EYS: variants seen among roughly 807,000 people sequenced by gnomAD.
EYS encodes EGF-like photoreceptor maintenance factor.
Under a neutral mutation model 282.1 loss-of-function variants are expected in EYS, and 250 were observed. That is an observed-to-expected ratio of 0.89 (90% CI 0.80 to 0.98). The LOEUF (loss-of-function observed/expected upper bound fraction) is 0.98, where lower values mean the gene tolerates loss of function less well. EYS is among the 50% of genes least tolerant of loss of function. EYS has a pLI of 0.00. For synonymous variants in EYS, 1,355 were observed against 1,282.9 expected (o/e 1.06, Z -1.20); for missense variants, 4,016 against 3,709.0 (o/e 1.08, Z -2.15).
rs35986893 is a variant in EYS at position 65,525,055 on chromosome 6, AT to A, written c.-332-29063del. Among the ~76,000 whole-genome samples the A allele has an allele frequency of 5.6e-3, 815 of 146,256 alleles. 8 individuals carry two copies. Among genetic ancestry groups the A allele is most frequent in the African/African-American group, 0.017 (667 of 40,070 alleles). On this transcript the variant is annotated intron_variant, in intron 2 of 42. Transcript: ENST00000503581. Reference sequence around the variant, plus strand: ...CACCATGGCCACTTTTTCTAAACTGATTTTTTTTTTTTTCAATTTTACTTTA... The same window carrying A: ...CACCATGGCCACTTTTTCTAAACTGATTTTTTTTTTTTCAATTTTACTTTA...
At chr6:63,869,919 T>C (rs1322461255) in intron 35 of EYS, among the ~76,000 whole-genome samples, 24 of 151,926 alleles carry the variant, frequency 1.6e-4, no homozygotes, top group Admixed American at 1.5e-3. Flanking sequence ...CCTCCCCCCA[T>C]AAAAAAAATC....
At chr6:65,654,278 T>C (rs1208243367) in intron 1 of EYS, among the ~76,000 whole-genome samples, 1 of 151,854 alleles carries the variant, frequency 6.6e-6, no homozygotes, top group Non-Finnish European at 1.5e-5. Context: ...TTCCTTTGCC[T>C]TTCTGTAATA....
At chr6:64,379,231 A>G (rs1459200792) in intron 29 of EYS, among the ~76,000 whole-genome samples, 1 of 152,146 alleles carries the variant, frequency 6.6e-6, no homozygotes, top group Non-Finnish European at 1.5e-5. Flanking sequence ...CTAGAAAACT[A>G]TCTCCCAAAT....
intron 12 of EYS, among the ~76,000 whole-genome samples, chr6:65,278,057 C>CTT (rs539914386): frequency 6.9e-6 from 1 of 145,024 alleles, no homozygotes; most frequent in Non-Finnish European, 1.5e-5. Flanking sequence ...CTTTTCTTTT[C>CTT]TTTTTTTCTG....
intron 22 of EYS, among the ~76,000 whole-genome samples, chr6:64,663,524 A>G (rs1045527837): frequency 2.6e-5 from 4 of 152,222 alleles, no homozygotes; most frequent in African/African-American, 9.6e-5. Flanking sequence ...CTAGAACTAC[A>G]TTCTTCGGAT....
At chr6:63,901,033 C>T (rs1359065378) in intron 35 of EYS, among the ~76,000 whole-genome samples, 1 of 152,116 alleles carries the variant, frequency 6.6e-6, no homozygotes, top group Non-Finnish European at 1.5e-5. Flanking sequence ...CTATAGAAGT[C>T]GTCAGTAGAA....
At chr6:65,027,268 T>G (rs1366601310) in intron 13 of EYS, among the ~76,000 whole-genome samples, 1 of 152,198 alleles carries the variant, frequency 6.6e-6, no homozygotes, top group East Asian at 1.9e-4. Flanking sequence ...CATCATTTAG[T>G]GATGTCTTAA....
At chr6:63,818,913 G>A (rs1771249881) in intron 36 of EYS, among the ~76,000 whole-genome samples, 1 of 152,202 alleles carries the variant, frequency 6.6e-6, no homozygotes, top group Non-Finnish European at 1.5e-5. Context: ...ATCTATCCAA[G>A]TGAGTTGTCT....
At chr6:65,331,693 T>C in intron 11 of EYS, 2 of 980,056 alleles carry the variant, frequency 2.0e-6, no homozygotes, top group South Asian at 4.7e-5. Flanking sequence ...ATTTTCTTAG[T>C]AAATAAAAAA....
At chr6:64,061,455 G>A (rs1582214768) in intron 33 of EYS, among the ~76,000 whole-genome samples, 1 of 152,150 alleles carries the variant, frequency 6.6e-6, no homozygotes, top group East Asian at 1.9e-4. Context: ...TGTACCTGTA[G>A]AACTGTGATC....
At chr6:64,221,577 A>C (rs1290503801) in intron 31 of EYS, among the ~76,000 whole-genome samples, 1 of 152,082 alleles carries the variant, frequency 6.6e-6, no homozygotes, top group Non-Finnish European at 1.5e-5. Flanking sequence ...AGACAATCTG[A>C]TATTACAGTA....
intron 6 of EYS, 123 bp downstream of exon 6, chr6:65,405,051 T>C: frequency 5.8e-6 from 4 of 690,306 alleles, no homozygotes; most frequent in Non-Finnish European, 9.8e-6. Context: ...ACCGTTCTTG[T>C]TCGTCTGAGT....
At chr6:64,392,868 G>A (rs1312512736) in intron 28 of EYS, among the ~76,000 whole-genome samples, 1 of 151,830 alleles carries the variant, frequency 6.6e-6, no homozygotes, top group Admixed American at 6.6e-5. Flanking sequence ...CAACAAAATT[G>A]ATAGACCGCT....
chr6:63,857,530 C>T (rs773573775), intron 36 of EYS: 23 of 261,826 alleles, frequency 8.8e-5, no homozygotes, highest in African/African-American at 4.0e-4. Flanking sequence ...CTGACATGCA[C>T]GCAATTGCTA....
chr6:65,008,340 G>GA (rs1026851027), intron 13 of EYS, among the ~76,000 whole-genome samples: 12 of 150,634 alleles, frequency 8.0e-5, no homozygotes, highest in East Asian at 1.9e-4. Flanking sequence ...GCAGACATTA[G>GA]AAAAAAAAAC....
intron 36 of EYS, among the ~76,000 whole-genome samples, chr6:63,833,409 C>A (rs1365194158): frequency 6.6e-6 from 1 of 152,144 alleles, no homozygotes; most frequent in Non-Finnish European, 1.5e-5. Flanking sequence ...CACAAGCATT[C>A]CTATACACCA....
At chr6:64,757,746 G>C (rs955005955) in intron 22 of EYS, among the ~76,000 whole-genome samples, 1 of 25,018 alleles carries the variant, frequency 4.0e-5, no homozygotes, top group Non-Finnish European at 8.8e-5. Context: ...TTTTTTCTTT[G>C]TGTGTGTGTG....
intron 7 of EYS, among the ~76,000 whole-genome samples, chr6:65,385,311 G>T (rs1167735431): frequency 6.6e-6 from 1 of 151,786 alleles, no homozygotes; most frequent in Non-Finnish European, 1.5e-5. Context: ...TTTTAAATCT[G>T]TTATAAGAAC....
At chr6:64,190,032 G>T (rs1765055767) in intron 31 of EYS, among the ~76,000 whole-genome samples, 1 of 152,130 alleles carries the variant, frequency 6.6e-6, no homozygotes, top group South Asian at 2.1e-4. Context: ...GATGCCTATT[G>T]CTAGCTACGT....
Sources: allele counts gnomAD v4.1 joint callset (sites outside exome capture counted in the v4.1 genomes callset), GRCh38; gene constraint gnomAD v4.1.1; transcripts MANE v1.5; gene names NCBI Gene and HGNC (gene_info 2026-07-23, HGNC 2026-07-21).